RHEBL1: variants seen among roughly 807,000 people sequenced by gnomAD.
RHEBL1 encodes the protein RHEB like 1, also known as GTPase RhebL1.
RHEBL1 carries 22 observed loss-of-function variants against 27.4 expected under a neutral mutation model. The ratio of observed to expected loss-of-function variants is 0.80; its 90% CI spans 0.57 to 1.15. The LOEUF is 1.15. Among genes scored for constraint, RHEBL1 ranks in the 50% most tolerant of loss-of-function variants. The probability of loss-of-function intolerance (pLI) is 0.00; values close to 1 mark genes in which losing one functional copy is unlikely to be tolerated. For missense variants in RHEBL1, 186 were observed against 226.5 expected (o/e 0.82, Z 1.15); for synonymous variants, 85 against 80.8 (o/e 1.05, Z -0.28).
In RHEBL1 at chr12:49,066,234, T is replaced by C. The variant is rs928912703; in HGVS notation, c.377A>G (p.Glu126Gly). ...TGAGTAGCAGAGATTTACATACCTCTCTGGAGAGAGATCTGCCTTGTTCCC... is the reference window on the plus strand; with the variant it reads ...TGAGTAGCAGAGATTTACATACCTCCCTGGAGAGAGATCTGCCTTGTTCCC... ...LVGNKADLSP[E>G]REVQAVEGKK... The change falls in exon 6 of 8, where the codon GAG (glutamate) becomes GGG (glycine). Residue 126 changes from glutamate to glycine, a missense_variant. Physicochemically the swap from Glu to Gly is moderately conservative, Grantham distance 98. Transcript: ENST00000301068. 3.1e-6 allele frequency: 5 copies of C among 1,613,650 alleles called. No homozygotes were observed. Among genetic ancestry groups the C allele is most frequent in the Non-Finnish European group, 3.4e-6 (4 of 1,179,544 alleles).
intron 6 of RHEBL1, among the ~76,000 whole-genome samples, chr12:49,065,938 TAGAG>T (rs1474109658): frequency 6.8e-6 from 1 of 146,124 alleles, no homozygotes; most frequent in African/African-American, 2.5e-5. Flanking sequence ...AAAAAAAAAA[TAGAG>T]AAGAAAAAGA....
intron 1 of RHEBL1, 148 bp from the exon 2 acceptor site, chr12:49,069,254 A>G (rs1939048354): frequency 2.2e-6 from 3 of 1,350,198 alleles, no homozygotes; most frequent in Non-Finnish European, 3.0e-6. Context: ...CTTTGTGTCT[A>G]CCCTCACCCT....
At chr12:49,069,655 G>C (rs1378011146) in intron 1 of RHEBL1, 79 bp downstream of exon 1, 2 of 1,240,504 alleles carry the variant, frequency 1.6e-6, no homozygotes, top group Admixed American at 1.7e-5. Context: ...ATTCCTCCCT[G>C]GGTCGCGTTC....
intron 6 of RHEBL1, among the ~76,000 whole-genome samples, chr12:49,065,991 G>A (rs1025822987): frequency 1.3e-5 from 2 of 152,114 alleles, no homozygotes; most frequent in African/African-American, 4.8e-5. Context: ...GTTTTGGGAG[G>A]AGGGCTGTGG....
rs778205352 is a variant in RHEBL1 at position 49,065,072 on chromosome 12, G to A, written c.*31C>T. 1 of 1,537,856 alleles carries A rather than the reference G, an allele frequency of 6.5e-7. No homozygotes were observed. Among genetic ancestry groups the A allele is most frequent in the Non-Finnish European group, 9.0e-7 (1 of 1,110,652 alleles). ...TGGAACATGGCAAGTGCCGGGGGCA[G>A]AAGCAAGGCAGTTACCCCACACCCA... On this transcript the variant is annotated 3_prime_UTR_variant, in exon 8 of 8. Coordinates refer to ENST00000301068, the MANE Select transcript of RHEBL1 (RefSeq NM_144593.3).
chr12:49,065,967 T>C (rs1938991490), intron 6 of RHEBL1, among the ~76,000 whole-genome samples: 1 of 151,718 alleles, frequency 6.6e-6, no homozygotes, highest in African/African-American at 2.4e-5. Context: ...CTCTGACCCA[T>C]GCCATTTCCC....
chr12:49,066,383 T>G, intron 5 of RHEBL1, 93 bp downstream of exon 5: 5 of 1,538,844 alleles, frequency 3.2e-6, no homozygotes, highest in Non-Finnish European at 4.5e-6. Context: ...AGGATCTATA[T>G]CCGAGCCTCC....
At position 49,065,119 on chromosome 12, in the gene RHEBL1, C is replaced by T. The variant is rs1020883732; in HGVS notation, c.536G>A (p.Arg179His). 10 of 1,613,388 alleles carry T rather than the reference C, an allele frequency of 6.2e-6. No homozygotes were observed. The highest frequency in any genetic ancestry group is 5.5e-5 in the South Asian group (5 of 91,062). Residue 179 changes from arginine to histidine, a missense_variant, in exon 8 of 8, where the codon CGC (arginine) becomes CAC (histidine). Physicochemically the swap from Arg to His is conservative, Grantham distance 29. Transcript: ENST00000301068. Reference protein sequence around the residue: ...RVENSYGQERRCHLM With the variant: ...RVENSYGQERHCHLM ...CCCAAGGGCTCACATGAGATGGCAGCGACGCTCTTGCCCATAGGAATTCTC... is the reference window on the plus strand; with the variant it reads ...CCCAAGGGCTCACATGAGATGGCAGTGACGCTCTTGCCCATAGGAATTCTC...
At chr12:49,068,687 C>T (rs1939038093) in intron 2 of RHEBL1, among the ~76,000 whole-genome samples, 1 of 152,086 alleles carries the variant, frequency 6.6e-6, no homozygotes, top group Non-Finnish European at 1.5e-5. Flanking sequence ...CCGCCCGCCT[C>T]AGCTTCCCAA....
chr12:49,069,398 G>A (rs1487898675), intron 1 of RHEBL1, among the ~76,000 whole-genome samples: 2 of 151,318 alleles, frequency 1.3e-5, no homozygotes, highest in Non-Finnish European at 2.9e-5. Context: ...AGTCCGCCCC[G>A]CCCCAGGACA....
chr12:49,066,210 G>A (rs769941020), intron 6 of RHEBL1, 21 bp downstream of exon 6: 3 of 1,606,712 alleles, frequency 1.9e-6, no homozygotes, highest in South Asian at 1.1e-5. Flanking sequence ...CTTTTGCTCT[G>A]AGTAGCAGAG....
At chr12:49,068,906 A>G in intron 2 of RHEBL1, 129 bp downstream of exon 2, 1 of 975,440 alleles carries the variant, frequency 1.0e-6, no homozygotes, top group Non-Finnish European at 1.5e-6. Flanking sequence ...ATTGCTAAAG[A>G]AGAAATCAGA....
chr12:49,066,978 G>A lies in RHEBL1; in HGVS notation c.182C>T (p.Thr61Ile). The A allele has an allele frequency of 3.1e-6, 5 of 1,613,500 alleles. No individual in the cohort carries two copies. Among genetic ancestry groups the A allele is most frequent in the Non-Finnish European group, 4.2e-6 (5 of 1,179,428 alleles). The change falls in exon 3 of 8, where the codon ACA (threonine) becomes ATA (isoleucine). Residue 61 changes from threonine to isoleucine, a missense_variant. Around this residue, in one of 3 missense-constraint regions of RHEBL1, gnomAD observed 34 missense variants for 69.3 expected, o/e 0.49. Coordinates refer to ENST00000301068, the MANE Select transcript of RHEBL1 (RefSeq NM_144593.3). ...KDEFHLHLVD[T>I]AGQDEYSILP... ...TACCCCAACTGGTACCTGCCCTGCTGTGTCCACCAGATGTAGGTGAAACTC... is the reference window on the plus strand; with the variant it reads ...TACCCCAACTGGTACCTGCCCTGCTATGTCCACCAGATGTAGGTGAAACTC...
At position 49,066,966 on chromosome 12, in the gene RHEBL1, ACCTGC is replaced by A; in HGVS notation, c.189_192+1del. On this transcript the variant is annotated splice_donor_variant and coding_sequence_variant, in exon 3 of 8. Coordinates refer to ENST00000301068, the MANE Select transcript of RHEBL1 (RefSeq NM_144593.3). LOFTEE classifies it high-confidence loss of function. ...ATTTGGATACCATACCCCAACTGGTACCTGCCCTGCTGTGTCCACCAGATGTAGGT... is the reference window on the plus strand; with the variant it reads ...ATTTGGATACCATACCCCAACTGGTACCTGCTGTGTCCACCAGATGTAGGT... 6.2e-7 allele frequency: 1 copy of A among 1,612,280 alleles called. No homozygotes were observed. Among genetic ancestry groups the A allele is most frequent in the Non-Finnish European group, 8.5e-7 (1 of 1,178,302 alleles).
At chr12:49,065,456 G>A in intron 6 of RHEBL1, 25 bp from the exon 7 acceptor site, 1 of 1,587,678 alleles carries the variant, frequency 6.3e-7, no homozygotes, top group East Asian at 2.2e-5. Flanking sequence ...GGGACATAAA[G>A]ATGGAGGATA....
chr12:49,066,136 A>G (rs1938993083), intron 6 of RHEBL1, 95 bp downstream of exon 6: 6 of 921,130 alleles, frequency 6.5e-6, no homozygotes, highest in Non-Finnish European at 1.8e-6. Flanking sequence ...AGGTGAAATG[A>G]CTTGTTTGAG....
At chr12:49,067,196 G>A (rs1282132343) in intron 2 of RHEBL1, among the ~76,000 whole-genome samples, 161 bp from the exon 3 acceptor site, 1 of 150,388 alleles carries the variant, frequency 6.6e-6, no homozygotes, top group South Asian at 2.1e-4. Flanking sequence ...TCTGCCACCC[G>A]GGTTCAAGCT....
rs1330597867 is a variant in RHEBL1 at position 49,069,018 on chromosome 12, G to A, written c.124+17C>T. Reference sequence around the variant, plus strand: ...GGGTCGCATACCACCAGCACACTAGGGGAGAAGTCTACTCACTATTCTCCA... The same window carrying A: ...GGGTCGCATACCACCAGCACACTAGAGGAGAAGTCTACTCACTATTCTCCA... On this transcript the variant is annotated intron_variant, in intron 2 of 7. Coordinates refer to ENST00000301068, the MANE Select transcript of RHEBL1 (RefSeq NM_144593.3). The A allele has an allele frequency of 6.2e-7, 1 of 1,609,108 alleles. No homozygotes were observed. Among genetic ancestry groups the A allele is most frequent in the Non-Finnish European group, 8.5e-7 (1 of 1,177,188 alleles).
Position 49,069,108 on chromosome 12 carries a change from T to C in RHEBL1, c.53-2A>G. Reference sequence around the variant, plus strand: ...ATTGATGTGCCAAAGATGTCTTCCCTGTGGGGAGCAGTGTGACAGTTGTAT... The same window carrying C: ...ATTGATGTGCCAAAGATGTCTTCCCCGTGGGGAGCAGTGTGACAGTTGTAT... On this transcript the variant is annotated splice_acceptor_variant, in intron 1 of 7. Coordinates refer to ENST00000301068, the MANE Select transcript of RHEBL1 (RefSeq NM_144593.3). LOFTEE classifies it high-confidence loss of function. 3 of 1,614,156 alleles carry C rather than the reference T, an allele frequency of 1.9e-6. No individual in the cohort carries two copies. Among genetic ancestry groups the C allele is most frequent in the Non-Finnish European group, 2.5e-6 (3 of 1,179,974 alleles).
Sources: gnomAD v4.1 joint callset for allele counts (sites outside exome capture counted in the v4.1 genomes callset) on GRCh38, gnomAD v4.1.1 for gene constraint, gnomAD v4.1.1 regional missense constraint, MANE v1.5 for transcripts, NCBI Gene and HGNC (gene_info 2026-07-23, HGNC 2026-07-21) for gene names.